The following DYNC1I1 variants were observed in gnomAD, a reference collection of about 807,000 sequenced individuals.
DYNC1I1 encodes cytoplasmic dynein 1 intermediate chain 1.
A neutral mutation model predicts 86.6 loss-of-function variants in DYNC1I1; 43 were observed. That is an observed-to-expected ratio of 0.50 (90% CI 0.39 to 0.64). DYNC1I1 has a LOEUF of 0.64. DYNC1I1 is among the 30% of genes least tolerant of loss of function. The pLI, the probability that DYNC1I1 is intolerant of heterozygous loss-of-function variation, is 0.00. For missense variants in DYNC1I1, 604 were observed against 788.8 expected (o/e 0.77, Z 2.81); for synonymous variants, 262 against 283.7 (o/e 0.92, Z 0.77).
At chr7:95,850,109 A>T (rs1024310561) in intron 5 of DYNC1I1, among the ~76,000 whole-genome samples, 1 of 151,978 alleles carries the variant, frequency 6.6e-6, no homozygotes, top group Non-Finnish European at 1.5e-5. Context: ...TTTTTTAGTG[A>T]AGTCTTTAGG....
At chr7:96,020,367 CAAAAATAAAAATA>C (rs1278411021) in intron 10 of DYNC1I1, among the ~76,000 whole-genome samples, 1 of 151,724 alleles carries the variant, frequency 6.6e-6, no homozygotes, top group African/African-American at 2.4e-5. Context: ...TGGCAGCAGG[CAAAAATAAAAATA>C]AAAAATAAAA....
intron 16 of DYNC1I1, among the ~76,000 whole-genome samples, chr7:96,108,205 AT>A (rs1234444020): frequency 6.6e-6 from 1 of 151,856 alleles, no homozygotes; most frequent in Non-Finnish European, 1.5e-5. Flanking sequence ...AATAATCATG[AT>A]TTTCTTTTTA....
At chr7:96,032,074 C>T (rs1340898182) in intron 11 of DYNC1I1, among the ~76,000 whole-genome samples, 1 of 152,066 alleles carries the variant, frequency 6.6e-6, no homozygotes, top group African/African-American at 2.4e-5. Flanking sequence ...CTAGATTTTG[C>T]AGTAACATAG....
At chr7:95,918,318 C>G (rs1791521263) in intron 6 of DYNC1I1, among the ~76,000 whole-genome samples, 2 of 152,200 alleles carry the variant, frequency 1.3e-5, no homozygotes, top group Admixed American at 1.3e-4. Context: ...CACTAGTGAT[C>G]ACTGCCTGGT....
At chr7:95,821,132 G>A (rs4729208) in intron 4 of DYNC1I1, among the ~76,000 whole-genome samples, 14,161 of 152,180 alleles carry the variant, frequency 0.093, 697 homozygotes, top group South Asian at 0.14. Flanking sequence ...GAAAAGCCAG[G>A]TAAAGAATAT....
chr7:95,909,877 C>T (rs79899581), intron 6 of DYNC1I1, among the ~76,000 whole-genome samples: 3,350 of 152,140 alleles, frequency 0.022, 113 homozygotes, highest in African/African-American at 0.069. Flanking sequence ...ACCTGCGTTA[C>T]CTGGACTGAG....
intron 4 of DYNC1I1, among the ~76,000 whole-genome samples, chr7:95,825,767 A>G: frequency 6.6e-6 from 1 of 152,184 alleles, no homozygotes; most frequent in Non-Finnish European, 1.5e-5. Flanking sequence ...TTTAGATGCT[A>G]ATGTATTTGA....
intron 13 of DYNC1I1, among the ~76,000 whole-genome samples, chr7:96,038,283 G>T (rs1327180939): frequency 6.6e-6 from 1 of 152,024 alleles, no homozygotes; most frequent in Admixed American, 6.6e-5. Context: ...CATAATATTA[G>T]GATTCTACAA....
At chr7:95,997,039 G>A (rs1793884162) in intron 10 of DYNC1I1, among the ~76,000 whole-genome samples, 1 of 152,130 alleles carries the variant, frequency 6.6e-6, no homozygotes, top group South Asian at 2.1e-4. Context: ...ATAATTTGGG[G>A]AATAGGAGCT....
Position 95,835,222 on chromosome 7 carries a change from G to A in DYNC1I1, c.374+7106G>A, listed in dbSNP as rs970027716. On this transcript the variant is annotated intron_variant, in intron 5 of 16. Coordinates refer to ENST00000447467, the MANE Select transcript of DYNC1I1 (RefSeq NM_001135556.2). Reference sequence around the variant, plus strand: ...ACATCTTTATTTCTGCCTTCATTTCGTTATGTACCCAGTAGTCATTCAGGA... The same window carrying A: ...ACATCTTTATTTCTGCCTTCATTTCATTATGTACCCAGTAGTCATTCAGGA... Among the ~76,000 whole-genome samples the A allele has an allele frequency of 3.0e-3, 313 of 102,790 alleles. 2 individuals carry two copies. Among genetic ancestry groups the A allele is most frequent in the African/African-American group, 0.012 (284 of 22,846 alleles). 67.4% of individuals were successfully genotyped at this position (102,790 alleles called of 152,430 possible).
At chr7:95,868,886 GT>G (rs1448428623) in intron 5 of DYNC1I1, among the ~76,000 whole-genome samples, 2 of 152,094 alleles carry the variant, frequency 1.3e-5, no homozygotes, top group South Asian at 4.1e-4. Flanking sequence ...GGGGCTAGGG[GT>G]TATGTATTTA....
chr7:96,032,680 G>A lies in DYNC1I1; in HGVS notation c.1130G>A (p.Cys377Tyr). ...SAAAHTHPVY[C>Y]VNVVGTQNAH... is the part of the protein sequence containing the mutation. ...ATGTTTTTGCAGCATCCCGTGTACT[G>A]TGTAAATGTTGTTGGGACCCAGAAT... The change falls in exon 12 of 17, where the codon TGT (cysteine) becomes TAT (tyrosine). Residue 377 changes from cysteine to tyrosine, a missense_variant. Physicochemically the swap from Cys to Tyr is radical, Grantham distance 194. Transcript: ENST00000447467. 6.2e-7 allele frequency: 1 copy of A among 1,613,508 alleles called. No individual in the cohort carries two copies. The highest frequency in any genetic ancestry group is 8.5e-7 in the Non-Finnish European group (1 of 1,179,584).
chr7:95,848,313 A>G (rs991813020), intron 5 of DYNC1I1, among the ~76,000 whole-genome samples: 4 of 151,566 alleles, frequency 2.6e-5, no homozygotes, highest in African/African-American at 9.7e-5. Context: ...ATCATGTTAT[A>G]CAATAGATCT....
At chr7:95,835,502 G>C (rs1789057552) in intron 5 of DYNC1I1, among the ~76,000 whole-genome samples, 1 of 151,494 alleles carries the variant, frequency 6.6e-6, no homozygotes, top group Admixed American at 6.6e-5. Flanking sequence ...TTGGTGCAGA[G>C]CTGAGTTCAA....
rs78238138 is a variant in DYNC1I1 at position 95,962,719 on chromosome 7, G to A, written c.491-14793G>A. 6.9e-3 allele frequency among the ~76,000 whole-genome samples: 1,053 copies of A among 152,216 alleles called. 32 individuals are homozygous for A. Among genetic ancestry groups the A allele is most frequent in the East Asian group, 0.033 (173 of 5,182 alleles). ...TAAAGTAGATCTTAAAGAAGCTGAA[G>A]AACTTATTGTTTACATGCCACATAA... On this transcript the variant is annotated intron_variant, in intron 6 of 16. Transcript: ENST00000447467.
intron 10 of DYNC1I1, among the ~76,000 whole-genome samples, chr7:96,025,651 T>C (rs919782343): frequency 3.9e-5 from 6 of 152,144 alleles, no homozygotes; most frequent in Non-Finnish European, 5.9e-5. Flanking sequence ...TAGTCCTTTG[T>C]TGGTGGTAAG....
In DYNC1I1 at chr7:95,950,657, G is replaced by A. The variant is rs76030570; in HGVS notation, c.491-26855G>A. Among the ~76,000 whole-genome samples the A allele has an allele frequency of 6.9e-3, 1,056 of 152,222 alleles. 32 individuals are homozygous for A. Among genetic ancestry groups the A allele is most frequent in the East Asian group, 0.033 (173 of 5,178 alleles). On this transcript the variant is annotated intron_variant, in intron 6 of 16. Coordinates refer to ENST00000447467, the MANE Select transcript of DYNC1I1 (RefSeq NM_001135556.2). ...CTGAATTCAGAGTCCTAACCAGAGCGTCAGTAGATCAGATGGAGTCAAAGA... is the reference window on the plus strand; with the variant it reads ...CTGAATTCAGAGTCCTAACCAGAGCATCAGTAGATCAGATGGAGTCAAAGA...
chr7:96,103,681 C>A (rs115384267), intron 16 of DYNC1I1, among the ~76,000 whole-genome samples: 4,200 of 151,402 alleles, frequency 0.028, 160 homozygotes, highest in African/African-American at 0.096. Flanking sequence ...AACATGATCT[C>A]GGCTCACCGC....
intron 14 of DYNC1I1, among the ~76,000 whole-genome samples, chr7:96,065,062 C>T (rs1300341941): frequency 6.6e-6 from 1 of 152,176 alleles, no homozygotes; most frequent in Non-Finnish European, 1.5e-5. Context: ...AGCTTGCAAA[C>T]CACTTGAAGA....
Sources: allele counts gnomAD v4.1 joint callset (sites outside exome capture counted in the v4.1 genomes callset), GRCh38; gene constraint gnomAD v4.1.1; transcripts MANE v1.5; gene names NCBI Gene and HGNC (gene_info 2026-07-23, HGNC 2026-07-21).